Variants in SNX29 observed in about 807,000 individuals in gnomAD.
SNX29 encodes the protein sorting nexin 29.
SNX29 carries 78 observed loss-of-function variants against 102.1 expected under a neutral mutation model. The observed-to-expected ratio is 0.76, with a 90% CI of 0.64 to 0.92. The LOEUF (loss-of-function observed/expected upper bound fraction) is 0.92, where lower values mean the gene tolerates loss of function less well. Among genes scored for constraint, SNX29 ranks in the 40% least tolerant of loss-of-function variants. The pLI is 0.00. For synonymous variants in SNX29, 580 were observed against 414.5 expected, an observed-to-expected ratio of 1.40 and a Z score of -4.85; for missense variants, 1,280 against 1,061.7, an observed-to-expected ratio of 1.21 and a Z score of -2.86.
intron 13 of SNX29, among the ~76,000 whole-genome samples, chr16:12,172,108 G>A (rs1413927369): frequency 6.6e-6 from 1 of 152,196 alleles, no homozygotes; most frequent in Non-Finnish European, 1.5e-5. Flanking sequence ...TTTTAGCAGT[G>A]TTTTTATAGA....
At chr16:12,377,850 G>A (rs2082934423) in intron 16 of SNX29, among the ~76,000 whole-genome samples, 2 of 152,200 alleles carry the variant, frequency 1.3e-5, no homozygotes, top group Non-Finnish European at 2.9e-5. Flanking sequence ...GCCATGGTCT[G>A]TGGCCTTAAA....
Position 12,048,382 on chromosome 16 carries a change from C to A in SNX29, c.510C>A (p.Ser170=), listed in dbSNP as rs536627482. The A allele has an allele frequency of 6.1e-5, 98 of 1,613,804 alleles. No homozygotes were observed. The Middle Eastern group carries it at 6.6e-4, about 11-fold the overall frequency. ...MLPTMAAGLN[S]ILFAINIDNK... ...CCTTTTTTTGGGCAGGTCTGAACTC[C>A]ATACTCTTTGCGATTAACATCGACA... The change falls in exon 7 of 21, where the codon TCC becomes TCA. Residue 170 remains serine (S), a synonymous_variant. Transcript: ENST00000566228.
rs557797310 is a variant in SNX29, at chr16:12,569,977, C to G, written c.*1348C>G. The G allele has an allele frequency of 3.3e-5, 8 of 243,924 alleles. No individual in the cohort carries two copies. The highest frequency in any genetic ancestry group is 1.2e-4 in the East Asian group (2 of 16,536). 15.1% of individuals were successfully genotyped at this position (243,924 alleles called of 1,614,324 possible). A position where few individuals can be genotyped will look rare whatever the true frequency, so the allele number is the denominator to read the frequency against. Reference sequence around the variant, plus strand: ...TTAGATGGTAAGCCATGGGCTTGTCCTGGAACTGCTTCAACTCAGTGGCTT... The same window carrying G: ...TTAGATGGTAAGCCATGGGCTTGTCGTGGAACTGCTTCAACTCAGTGGCTT... On this transcript the variant is annotated 3_prime_UTR_variant, in exon 21 of 21. Transcript: ENST00000566228.
chr16:12,209,266 T>A (rs1211297371), intron 14 of SNX29, among the ~76,000 whole-genome samples: 1 of 152,196 alleles, frequency 6.6e-6, no homozygotes, highest in Non-Finnish European at 1.5e-5. Flanking sequence ...CTCAGCTCAT[T>A]GTAACCTCTG....
At chr16:12,439,692 A>AGTTATGGC (rs201898201) in intron 18 of SNX29, among the ~76,000 whole-genome samples, 3,901 of 152,264 alleles carry the variant, frequency 0.026, 86 homozygotes, top group East Asian at 0.097. Context: ...GGCAGCTACA[A>AGTTATGGC]TTCAAGATGA....
chr16:12,539,433 T>G (rs1203988958), intron 20 of SNX29, among the ~76,000 whole-genome samples: 1 of 152,220 alleles, frequency 6.6e-6, no homozygotes. Context: ...CAGCAGTGTT[T>G]TTATTACTGA....
chr16:12,466,752 G>T (rs551687483), intron 18 of SNX29, among the ~76,000 whole-genome samples: 1 of 152,262 alleles, frequency 6.6e-6, no homozygotes, highest in Admixed American at 6.5e-5. Context: ...CAGCAGTTGG[G>T]ACTGAAAGAG....
chr16:12,023,222 A>C (rs1415276697), intron 3 of SNX29, among the ~76,000 whole-genome samples: 1 of 152,052 alleles, frequency 6.6e-6, no homozygotes, highest in Non-Finnish European at 1.5e-5. Flanking sequence ...AAAAAATTAA[A>C]ATATTCACTG....
chr16:12,010,876 G>C (rs923488019), intron 3 of SNX29, among the ~76,000 whole-genome samples: 1 of 152,034 alleles, frequency 6.6e-6, no homozygotes, highest in African/African-American at 2.4e-5. Context: ...AAACTGTCAC[G>C]TGTATCCCCC....
At chr16:12,495,257 T>A (rs2151875900) in intron 19 of SNX29, among the ~76,000 whole-genome samples, 2 of 152,216 alleles carry the variant, frequency 1.3e-5, no homozygotes, top group Middle Eastern at 6.8e-3. Flanking sequence ...GTTCAAGCAA[T>A]CCTCCTGCCT....
chr16:12,350,228 T>C (rs1321865106), intron 15 of SNX29, among the ~76,000 whole-genome samples: 1 of 152,192 alleles, frequency 6.6e-6, no homozygotes, highest in Non-Finnish European at 1.5e-5. Context: ...TTCAACCAAC[T>C]GGGGAGCAAA....
intron 2 of SNX29, among the ~76,000 whole-genome samples, chr16:12,001,930 G>T (rs1469392132): frequency 1.3e-5 from 2 of 151,850 alleles, no homozygotes; most frequent in East Asian, 3.9e-4. Context: ...TGAGGTGGGA[G>T]AATTGCTTGA....
chr16:12,537,202 G>A lies in SNX29; in HGVS notation c.2318+12361G>A, dbSNP rs1597805332. On this transcript the variant is annotated intron_variant, in intron 20 of 20. Transcript: ENST00000566228. ...CATCCCCCTGGCCAGCCCCTAAATTGCTGAGCTTAGAGACCAGACTGCAAG... is the reference window on the plus strand; with the variant it reads ...CATCCCCCTGGCCAGCCCCTAAATTACTGAGCTTAGAGACCAGACTGCAAG... Among the ~76,000 whole-genome samples, 3 of 152,272 alleles carry A rather than the reference G, an allele frequency of 2.0e-5. No homozygotes were observed. In the East Asian group the frequency reaches 5.8e-4, roughly 29 times the overall value.
At chr16:12,145,551 G>C (rs914347659) in intron 13 of SNX29, among the ~76,000 whole-genome samples, 3 of 152,054 alleles carry the variant, frequency 2.0e-5, no homozygotes, top group African/African-American at 7.3e-5. Flanking sequence ...TTAAGTCCGG[G>C]AATACCAGAA....
At chr16:12,461,995 A>G (rs1281080143) in intron 18 of SNX29, among the ~76,000 whole-genome samples, 3 of 67,092 alleles carry the variant, frequency 4.5e-5, no homozygotes, top group South Asian at 1.2e-3. Flanking sequence ...ATATATATAT[A>G]TATATATATA....
chr16:12,298,033 G>C (rs1414918871), intron 15 of SNX29, among the ~76,000 whole-genome samples: 1 of 152,200 alleles, frequency 6.6e-6, no homozygotes, highest in East Asian at 1.9e-4. Flanking sequence ...AGCTTGGCAT[G>C]GTGGTGTGCG....
chr16:12,334,388 C>G (rs1404966815), intron 15 of SNX29, among the ~76,000 whole-genome samples: 2 of 152,124 alleles, frequency 1.3e-5, no homozygotes, highest in Admixed American at 6.5e-5. Context: ...TGAGTCCCAC[C>G]TTGGGGAAAA....
chr16:12,332,946 G>T (rs528025914), intron 15 of SNX29, among the ~76,000 whole-genome samples: 35 of 151,974 alleles, frequency 2.3e-4, no homozygotes, highest in Non-Finnish European at 3.8e-4. Flanking sequence ...ACCCCTGCTC[G>T]TGCGGTTAGT....
intron 19 of SNX29, among the ~76,000 whole-genome samples, chr16:12,514,530 C>G (rs1029366679): frequency 2.0e-5 from 3 of 152,180 alleles, no homozygotes; most frequent in African/African-American, 7.2e-5. Flanking sequence ...CTGGGCGCCT[C>G]TGAGTATCAG....
Sources: gnomAD v4.1 joint callset for allele counts (sites outside exome capture counted in the v4.1 genomes callset) on GRCh38, gnomAD v4.1.1 for gene constraint, MANE v1.5 for transcripts, NCBI Gene and HGNC (gene_info 2026-07-23, HGNC 2026-07-21) for gene names.